Variants in PABIR2 observed in about 807,000 individuals in gnomAD.
The protein encoded by PABIR2 is PABIR family member 2.
Under a neutral mutation model 22.8 loss-of-function variants are expected in PABIR2, and 7 were observed. The ratio of observed to expected loss-of-function variants is 0.31; its 90% CI spans 0.17 to 0.58. The LOEUF (loss-of-function observed/expected upper bound fraction) is 0.58. Among genes scored for constraint, PABIR2 ranks in the 20% least tolerant of loss-of-function variants. The pLI is 0.89. For synonymous variants in PABIR2, 67 were observed against 73.8 expected (o/e 0.91, Z 0.47); for missense variants, 155 against 205.1 (o/e 0.76, Z 1.49).
intron 7 of PABIR2, among the ~76,000 whole-genome samples, chrX:134,786,696 G>A (rs1056320376): frequency 1.7e-4 from 19 of 111,577 alleles, no homozygotes; most frequent in African/African-American, 4.9e-4. Flanking sequence ...TGTGGCTCAC[G>A]CCTGTAATCC....
chrX:134,785,504 C>T (rs189955080), intron 8 of PABIR2, among the ~76,000 whole-genome samples: 144 of 108,658 alleles, frequency 1.3e-3, no homozygotes, highest in Middle Eastern at 4.7e-3. Context: ...TGCAGTGGTA[C>T]GATCTCAGCT....
At chrX:134,788,552 A>T (rs1352119086) in intron 6 of PABIR2, among the ~76,000 whole-genome samples, 178 bp downstream of exon 6, 4 of 106,366 alleles carry the variant, frequency 3.8e-5, no homozygotes, top group African/African-American at 6.8e-5. Flanking sequence ...ATATATATAT[A>T]TTTTAAGAAG....
At chrX:134,782,839 A>G (rs767391372) in intron 8 of PABIR2, among the ~76,000 whole-genome samples, 27 of 112,553 alleles carry the variant, frequency 2.4e-4, no homozygotes, top group South Asian at 1.5e-3. Context: ...ACTAATTCAT[A>G]TTATCTTTCC....
At chrX:134,786,074 C>A in intron 7 of PABIR2, 124 bp from the exon 8 acceptor site, 2 of 626,580 alleles carry the variant, frequency 3.2e-6, no homozygotes, top group South Asian at 2.8e-5. Flanking sequence ...ATGGAAAATT[C>A]TTCTGTAATT....
chrX:134,789,663 A>G, intron 2 of PABIR2, 27 bp from the exon 3 acceptor site: 1 of 1,124,648 alleles, frequency 8.9e-7, no homozygotes. Context: ...AACATTTACT[A>G]TTTTCTGAAT....
chrX:134,777,546 AG>A (rs1391927908), intron 9 of PABIR2, among the ~76,000 whole-genome samples: 2 of 103,639 alleles, frequency 1.9e-5, no homozygotes, highest in African/African-American at 3.7e-5. Context: ...AAAAAAAAAA[AG>A]GCCAGGTGAG....
intron 8 of PABIR2, among the ~76,000 whole-genome samples, chrX:134,782,130 T>C (rs910135321): frequency 8.0e-5 from 9 of 112,336 alleles, no homozygotes; most frequent in Admixed American, 3.8e-4. Flanking sequence ...TCACTCATTA[T>C]CCACAGCGTG....
rs965784512 is a variant in PABIR2, at chrX:134,781,902, T to C, written c.578A>G (p.Glu193Gly). The C allele has an allele frequency of 2.1e-5, 25 of 1,199,222 alleles. No homozygotes were observed. The highest frequency in any genetic ancestry group is 2.7e-5 in the Non-Finnish European group (24 of 887,335). ...TTGGAAGAGTCTCTTGGGCTGACTT[T>C]CTGTCTCCATTTCACCTAAAACAGA... Reference protein sequence around the residue: ...PLKRKGEMETESQPKRLFQGT... With the variant: ...PLKRKGEMETGSQPKRLFQGT... Residue 193 changes from glutamate to glycine, a missense_variant, in exon 9 of 10, where the codon GAA (glutamate) becomes GGA (glycine). Transcript: ENST00000343004.
At chrX:134,792,653 G>A (rs1050147016) in intron 2 of PABIR2, among the ~76,000 whole-genome samples, 3 of 111,833 alleles carry the variant, frequency 2.7e-5, no homozygotes, top group Non-Finnish European at 5.6e-5. Flanking sequence ...TCTAATCCCA[G>A]TTCTACCACT....
intron 8 of PABIR2, among the ~76,000 whole-genome samples, chrX:134,783,656 C>T (rs986007440): frequency 1.8e-5 from 2 of 110,164 alleles, no homozygotes; most frequent in African/African-American, 6.6e-5. Flanking sequence ...ACCCAGGAGG[C>T]GGAGGTTGCA....
chrX:134,778,227 G>A (rs1206311478), intron 9 of PABIR2, among the ~76,000 whole-genome samples: 4 of 103,143 alleles, frequency 3.9e-5, no homozygotes, highest in South Asian at 4.8e-4. Flanking sequence ...AAATCGGGCC[G>A]GGCGTGGTGG....
intron 9 of PABIR2, among the ~76,000 whole-genome samples, chrX:134,778,067 A>G (rs1436292395): frequency 2.9e-5 from 3 of 102,500 alleles, no homozygotes; most frequent in Non-Finnish European, 6.0e-5. Context: ...TAGTTTTTGT[A>G]CTTTTAGTAG....
rs367920268 is a variant in PABIR2 at position 134,782,645 on chromosome X, T to G, written c.563-728A>C. On this transcript the variant is annotated intron_variant, in intron 8 of 9. Transcript: ENST00000343004. ...TCAGGCTCTGATTTTATTTAAAACA[T>G]ACACATTCCTTGGTTCTGAAGCTCT... Among the ~76,000 whole-genome samples the G allele has an allele frequency of 6.3e-4, 71 of 111,856 alleles. No homozygotes were observed. The South Asian group carries it at 0.026, about 41-fold the overall frequency.
chrX:134,771,765 A>G lies in PABIR2; in HGVS notation c.*374T>C, dbSNP rs1330406344. The G allele has an allele frequency of 1.1e-5, 9 of 807,166 alleles. No homozygotes were observed. The highest frequency in any genetic ancestry group is 6.5e-5 in the South Asian group (1 of 15,425). The allele number at this position is 807,166 out of a possible 1,213,427, so 66.5% of individuals were successfully genotyped here. On this transcript the variant is annotated 3_prime_UTR_variant, in exon 10 of 10. Transcript: ENST00000343004. ...TCTCAAGCAAGAGAATTTCTGATCA[A>G]ATCTGTCATATCACTGCTGCGGAAA... is the stretch of plus-strand genomic sequence containing the variant.
chrX:134,783,492 C>T (rs1013528188), intron 8 of PABIR2, among the ~76,000 whole-genome samples: 3 of 111,946 alleles, frequency 2.7e-5, no homozygotes, highest in Admixed American at 9.5e-5. Flanking sequence ...TTTGGGAGGC[C>T]GAGGCAGGCA....
intron 2 of PABIR2, among the ~76,000 whole-genome samples, chrX:134,793,153 C>T (rs1048936524): frequency 7.2e-5 from 8 of 111,728 alleles, no homozygotes; most frequent in African/African-American, 2.6e-4. Flanking sequence ...ATAAATAAAC[C>T]GATGAACCTC....
intron 9 of PABIR2, among the ~76,000 whole-genome samples, chrX:134,773,856 T>C (rs1388669262): frequency 1.8e-5 from 2 of 111,660 alleles, no homozygotes; most frequent in African/African-American, 6.5e-5. Context: ...GTTAATGTAC[T>C]TCTAGTGTTA....
At chrX:134,787,159 G>A (rs2147950970) in intron 7 of PABIR2, among the ~76,000 whole-genome samples, 1 of 104,941 alleles carries the variant, frequency 9.5e-6, no homozygotes, top group East Asian at 3.0e-4. Flanking sequence ...GAGTATAATG[G>A]TGCGATCTCA....
rs1330472110 is a variant in PABIR2 at position 134,769,948 on chromosome X, T to C, written c.*2191A>G. The C allele has an allele frequency of 8.9e-6, 1 of 112,259 alleles. No homozygotes were observed. Among genetic ancestry groups the C allele is most frequent in the African/African-American group, 3.2e-5 (1 of 30,856 alleles). The allele number at this position is 112,259 out of a possible 1,213,427, so 9.3% of individuals were successfully genotyped here. ...TCCAGTCCATTTAAACAACAAAAAC[T>C]AAAAATGAAGCTTGGTTTAAATAAT... On this transcript the variant is annotated 3_prime_UTR_variant, in exon 10 of 10. Coordinates refer to ENST00000343004, the MANE Select transcript of PABIR2 (RefSeq NM_001387468.1).
Sources: allele counts gnomAD v4.1 joint callset (sites outside exome capture counted in the v4.1 genomes callset), GRCh38; gene constraint gnomAD v4.1.1; transcripts MANE v1.5; gene names NCBI Gene and HGNC (gene_info 2026-07-23, HGNC 2026-07-21).